Variants in TBL1Y observed in about 807,000 individuals in gnomAD.
TBL1Y encodes F-box-like/WD repeat-containing protein TBL1Y.
A neutral mutation model predicts 12.0 loss-of-function variants in TBL1Y; 15 were observed. The ratio of observed to expected loss-of-function variants is 1.25; its 90% confidence interval spans 0.83 to 1.92. The LOEUF is 1.92. TBL1Y is among the 40% of genes most tolerant of loss of function. TBL1Y has a pLI of 0.00. For synonymous variants in TBL1Y, 53 were observed against 42.6 expected, an observed-to-expected ratio of 1.24 and a Z score of -0.95; for missense variants, 148 against 116.7, an observed-to-expected ratio of 1.27 and a Z score of -1.24.
chrY:6,956,479 G>C, intron 2 of TBL1Y, among the ~76,000 whole-genome samples: 1 of 33,346 alleles, frequency 3.0e-5, no homozygotes, highest in Non-Finnish European at 7.4e-5. Context: ...AATCACATTT[G>C]ATGCCTGCTC....
At chrY:7,071,938 C>G in intron 12 of TBL1Y, 108 bp downstream of exon 12, 1 of 203,002 alleles carries the variant, frequency 4.9e-6, no homozygotes, top group Non-Finnish European at 8.5e-6. Flanking sequence ...CACTCTGTTG[C>G]CCAGACTGGA....
intron 4 of TBL1Y, among the ~76,000 whole-genome samples, chrY:7,015,750 T>A: frequency 6.0e-5 from 2 of 33,569 alleles, no homozygotes; most frequent in Non-Finnish European, 1.5e-4. Flanking sequence ...TTTAACCCAC[T>A]GTTGCCAATG....
At chrY:6,962,497 CT>C (rs2012134941) in intron 2 of TBL1Y, among the ~76,000 whole-genome samples, 1 of 33,665 alleles carries the variant, frequency 3.0e-5, no homozygotes, top group Non-Finnish European at 7.3e-5. Flanking sequence ...TATGCAGTAT[CT>C]GAAACAATGT....
chrY:6,988,708 A>G, intron 3 of TBL1Y, among the ~76,000 whole-genome samples: 1 of 32,018 alleles, frequency 3.1e-5, no homozygotes, highest in Non-Finnish European at 7.5e-5. Context: ...ATACCAAAAA[A>G]AAGACCTATC....
chrY:6,913,386 G>A (rs2011711544), intron 2 of TBL1Y, among the ~76,000 whole-genome samples: 5 of 32,235 alleles, frequency 1.6e-4, no homozygotes, highest in Non-Finnish European at 3.7e-4. Context: ...ATGGCACCAG[G>A]AGTCTCTCTC....
intron 2 of TBL1Y, among the ~76,000 whole-genome samples, chrY:6,953,383 A>C (rs2012045459): frequency 3.0e-5 from 1 of 32,980 alleles, no homozygotes; most frequent in African/African-American, 1.2e-4. Context: ...ATTTCTTTTT[A>C]TTCTTTTTTC....
Position 7,086,422 on chromosome Y carries a change from G to C in TBL1Y, c.1280+5G>C. 2.6e-6 allele frequency: 1 copy of C among 381,297 alleles called. No individual in the cohort carries two copies. The highest frequency in any genetic ancestry group is 3.7e-6 in the Non-Finnish European group (1 of 272,233). On this transcript the variant is annotated splice_donor_5th_base_variant and intron_variant, in intron 16 of 18. Coordinates refer to ENST00000383032, the MANE Select transcript of TBL1Y (RefSeq NM_033284.2). ...CTCCAGCATCATGTTGGCAAGGTAA[G>C]GGCCGGCAGCACAACTGGTACAGCT...
intron 2 of TBL1Y, among the ~76,000 whole-genome samples, chrY:6,940,010 A>G (rs2011937928): frequency 3.8e-5 from 1 of 26,197 alleles, no homozygotes; most frequent in Non-Finnish European, 8.7e-5. Context: ...AGCACTTTGG[A>G]AGGCTAAGGC....
intron 7 of TBL1Y, 29 bp from the exon 8 acceptor site, chrY:7,063,868 G>A: frequency 2.5e-6 from 1 of 397,716 alleles, no homozygotes; most frequent in Non-Finnish European, 3.5e-6. Flanking sequence ...CTTGTGAGCT[G>A]ATGGCTGTCC....
chrY:7,082,368 A>G, intron 14 of TBL1Y, among the ~76,000 whole-genome samples: 1 of 33,500 alleles, frequency 3.0e-5, no homozygotes, highest in African/African-American at 1.2e-4. Flanking sequence ...TGGTCTTTTC[A>G]TCAGATATCT....
chrY:6,958,709 T>C, intron 2 of TBL1Y, among the ~76,000 whole-genome samples: 1 of 33,897 alleles, frequency 3.0e-5, no homozygotes, highest in Non-Finnish European at 7.3e-5. Context: ...GAAGGTACTA[T>C]GACTGGACGT....
At chrY:7,014,850 C>T (rs529192060) in intron 4 of TBL1Y, among the ~76,000 whole-genome samples, 57 of 32,755 alleles carry the variant, frequency 1.7e-3, no homozygotes, top group African/African-American at 5.7e-3. Context: ...TGGTAACATA[C>T]GAGGAAATAA....
chrY:6,974,342 G>C, intron 2 of TBL1Y, among the ~76,000 whole-genome samples: 1 of 34,079 alleles, frequency 2.9e-5, no homozygotes, highest in African/African-American at 1.1e-4. Flanking sequence ...AAAGTGCTGG[G>C]ATTGCAGGTG....
intron 4 of TBL1Y, among the ~76,000 whole-genome samples, chrY:6,996,900 G>A (rs2012414683): frequency 3.1e-5 from 1 of 32,538 alleles, no homozygotes; most frequent in Non-Finnish European, 7.5e-5. Context: ...AGATTCAGCT[G>A]CTTTTAGAGT....
At chrY:7,000,780 A>C (rs2012443737) in intron 4 of TBL1Y, among the ~76,000 whole-genome samples, 2 of 33,370 alleles carry the variant, frequency 6.0e-5, no homozygotes, top group African/African-American at 2.3e-4. Flanking sequence ...TTGTATTTTC[A>C]GTAGAGATGG....
intron 2 of TBL1Y, among the ~76,000 whole-genome samples, chrY:6,912,659 C>T: frequency 3.1e-5 from 1 of 32,145 alleles, no homozygotes; most frequent in East Asian, 8.2e-4. Flanking sequence ...GCTGAAACCG[C>T]GTCTTTACTG....
intron 6 of TBL1Y, among the ~76,000 whole-genome samples, chrY:7,026,535 G>A: frequency 3.0e-5 from 1 of 33,622 alleles, no homozygotes; most frequent in Non-Finnish European, 7.3e-5. Flanking sequence ...CGTGATGAAG[G>A]CCAAAGAGAC....
intron 14 of TBL1Y, among the ~76,000 whole-genome samples, chrY:7,085,292 G>T (rs568702569): frequency 2.9e-4 from 9 of 31,037 alleles, no homozygotes; most frequent in African/African-American, 1.1e-3. Flanking sequence ...GGTGGGGATT[G>T]CTTGAGCCCA....
intron 2 of TBL1Y, among the ~76,000 whole-genome samples, chrY:6,954,378 C>T: frequency 5.9e-5 from 2 of 34,067 alleles, no homozygotes; most frequent in Admixed American, 2.6e-4. Flanking sequence ...CAATGGTGGG[C>T]GCCCCTCCCC....
Sources: allele counts gnomAD v4.1 joint callset (sites outside exome capture counted in the v4.1 genomes callset), GRCh38; gene constraint gnomAD v4.1.1; transcripts MANE v1.5; gene names NCBI Gene and HGNC (gene_info 2026-07-23, HGNC 2026-07-21).